The following TMIGD3 variants were observed in gnomAD, a reference collection of about 807,000 sequenced individuals.
TMIGD3 encodes AD026 protein (AD026).
A neutral mutation model predicts 28.1 loss-of-function variants in TMIGD3; 21 were observed. The ratio of observed to expected loss-of-function variants is 0.75; its 90% CI spans 0.53 to 1.08. TMIGD3 has a LOEUF of 1.08. Ranked by LOEUF, TMIGD3 falls within the 50% of genes least tolerant of loss-of-function variation. The pLI, the probability that TMIGD3 is intolerant of heterozygous loss-of-function variation, is 0.00. For synonymous variants in TMIGD3, 151 were observed against 162.1 expected (o/e 0.93, Z 0.52); for missense variants, 416 against 435.6 (o/e 0.96, Z 0.40).
At chr1:111,553,369 G>A (rs1372342474) in intron 1 of TMIGD3, among the ~76,000 whole-genome samples, 2 of 152,206 alleles carry the variant, frequency 1.3e-5, no homozygotes, top group East Asian at 3.8e-4. Flanking sequence ...GAGGAGCATG[G>A]GGAATGGATA....
At chr1:111,534,688 T>A (rs1390818943) in intron 1 of TMIGD3, among the ~76,000 whole-genome samples, 1 of 152,170 alleles carries the variant, frequency 6.6e-6, no homozygotes, top group Non-Finnish European at 1.5e-5. Flanking sequence ...AAGGAGCCTC[T>A]GGGAGCACAT....
Position 111,497,034 on chromosome 1 carries a change from GCCCGCAGTTATTCTTTA to G in TMIGD3, c.350+5954_350+5970del, listed in dbSNP as rs1342134034. Among the ~76,000 whole-genome samples the G allele has an allele frequency of 7.2e-5, 11 of 152,264 alleles. No homozygotes were observed. In the East Asian group the frequency reaches 2.1e-3, roughly 29 times the overall value. ...TTAATCTTATTCCTTTAGAATAAAAGCCCGCAGTTATTCTTTACCATTTAGCTGAGAGAGCAAGCCAG... is the reference window on the plus strand; with the variant it reads ...TTAATCTTATTCCTTTAGAATAAAAGCCATTTAGCTGAGAGAGCAAGCCAG... On this transcript the variant is annotated intron_variant, in intron 1 of 5. Transcript: ENST00000369716.
intron 1 of TMIGD3, among the ~76,000 whole-genome samples, chr1:111,524,028 C>CTTTTTTTTTTTTTTTTTTTTTTTTTTTT (rs35046603): frequency 1.8e-5 from 2 of 108,792 alleles, no homozygotes; most frequent in East Asian, 2.6e-4. Flanking sequence ...TCTTTCTTTT[C>CTTTTTTTTTTTTTTTTTTTTTTTTTTTT]TTTTTTTTTT....
chr1:111,485,683 A>G, intron 5 of TMIGD3, 57 bp downstream of exon 5: 60 of 1,179,024 alleles, frequency 5.1e-5, no homozygotes, highest in Non-Finnish European at 7.3e-5. Flanking sequence ...CTGCTCCTTG[A>G]CCTCTTTCAT....
intron 1 of TMIGD3, among the ~76,000 whole-genome samples, chr1:111,548,874 C>A (rs183562942): frequency 2.0e-5 from 3 of 152,304 alleles, no homozygotes; most frequent in Non-Finnish European, 4.4e-5. Flanking sequence ...AAATTCATGT[C>A]GCTCTGATAT....
intron 1 of TMIGD3, among the ~76,000 whole-genome samples, chr1:111,514,599 G>A (rs1397184762): frequency 2.0e-5 from 3 of 150,522 alleles, no homozygotes; most frequent in South Asian, 2.1e-4. Context: ...ACCCAGAACC[G>A]CCATTACCTT....
chr1:111,527,580 C>A (rs989889238), intron 1 of TMIGD3, among the ~76,000 whole-genome samples: 8 of 152,184 alleles, frequency 5.3e-5, no homozygotes, highest in Admixed American at 2.6e-4. Flanking sequence ...TTGTCAGAAA[C>A]TGCCAAACTG....
chr1:111,488,240 T>C (rs1004681152), intron 3 of TMIGD3, among the ~76,000 whole-genome samples: 13 of 152,152 alleles, frequency 8.5e-5, no homozygotes, highest in African/African-American at 3.1e-4. Context: ...TTTTTTTTTT[T>C]GAGACTGAGT....
intron 1 of TMIGD3, among the ~76,000 whole-genome samples, chr1:111,537,366 A>G (rs1656672674): frequency 5.3e-5 from 8 of 152,218 alleles, no homozygotes; most frequent in Admixed American, 5.2e-4. Context: ...CTTGTGTTGG[A>G]TTCATTTATA....
chr1:111,518,434 C>T (rs1041019695), intron 1 of TMIGD3, among the ~76,000 whole-genome samples: 53 of 152,348 alleles, frequency 3.5e-4, no homozygotes, highest in Non-Finnish European at 6.6e-4. Flanking sequence ...GTAACCATGG[C>T]TTCTGCCCAC....
chr1:111,534,767 A>G (rs559904484), intron 1 of TMIGD3, among the ~76,000 whole-genome samples: 1 of 152,126 alleles, frequency 6.6e-6, no homozygotes, highest in Admixed American at 6.5e-5. Context: ...GTGTTTGTGC[A>G]TGTATGAGAA....
intron 1 of TMIGD3, among the ~76,000 whole-genome samples, chr1:111,502,576 A>G (rs1050629875): frequency 8.0e-5 from 12 of 150,026 alleles, no homozygotes; most frequent in African/African-American, 3.0e-4. Flanking sequence ...ATAATAACCT[A>G]CATTTGCAAA....
At chr1:111,488,150 C>T (rs576055005) in intron 3 of TMIGD3, among the ~76,000 whole-genome samples, 4 of 152,140 alleles carry the variant, frequency 2.6e-5, no homozygotes, top group South Asian at 2.1e-4. Flanking sequence ...TTACCAGGCA[C>T]GTGGGTCATT....
At chr1:111,531,031 G>T (rs149194071) in intron 1 of TMIGD3, among the ~76,000 whole-genome samples, 3 of 152,092 alleles carry the variant, frequency 2.0e-5, no homozygotes, top group African/African-American at 4.8e-5. Flanking sequence ...ATTCTTTTAG[G>T]CCAGGCACAG....
chr1:111,489,093 C>A, intron 2 of TMIGD3, 69 bp from the exon 3 acceptor site: 1 of 1,384,340 alleles, frequency 7.2e-7, no homozygotes, highest in Non-Finnish European at 9.9e-7. Context: ...AACATTGCAG[C>A]TCCTGCCCTC....
intron 1 of TMIGD3, among the ~76,000 whole-genome samples, chr1:111,512,988 G>C (rs779598029): frequency 7.2e-5 from 11 of 152,208 alleles, no homozygotes; most frequent in Non-Finnish European, 1.6e-4. Flanking sequence ...CCAAGAAGCA[G>C]TGGTTTGTCA....
intron 4 of TMIGD3, 51 bp downstream of exon 4, chr1:111,486,535 A>G (rs1654382335): frequency 7.3e-7 from 1 of 1,375,604 alleles, no homozygotes; most frequent in African/African-American, 1.4e-5. Flanking sequence ...CCCAGCCCCT[A>G]CCTCCACCCC....
chr1:111,518,311 C>T (rs1229296948), intron 1 of TMIGD3, among the ~76,000 whole-genome samples: 1 of 152,366 alleles, frequency 6.6e-6, no homozygotes, highest in South Asian at 2.1e-4. Flanking sequence ...AAGCCAGACA[C>T]TTTGCATACA....
At chr1:111,510,264 C>G (rs1288648781) in intron 1 of TMIGD3, among the ~76,000 whole-genome samples, 1 of 152,154 alleles carries the variant, frequency 6.6e-6, no homozygotes, top group Non-Finnish European at 1.5e-5. Context: ...ACTGCAAAAC[C>G]GTTTTACTTT....
Sources: gnomAD v4.1 joint callset for allele counts (sites outside exome capture counted in the v4.1 genomes callset) on GRCh38, gnomAD v4.1.1 for gene constraint, MANE v1.5 for transcripts, NCBI Gene and HGNC (gene_info 2026-07-23, HGNC 2026-07-21) for gene names.